The following MDGA2 variants were observed in gnomAD, a reference collection of about 807,000 sequenced individuals.
MDGA2 encodes MAM domain-containing glycosylphosphatidylinositol anchor protein 2.
MDGA2 carries 40 observed loss-of-function variants against 117.8 expected under a neutral mutation model. The ratio of observed to expected loss-of-function variants is 0.34; its 90% CI spans 0.26 to 0.44. The LOEUF (loss-of-function observed/expected upper bound fraction) is 0.44, where lower values mean the gene tolerates loss of function less well. MDGA2 is among the 20% of genes least tolerant of loss of function. The pLI is 1.00. For synonymous variants in MDGA2, 452 were observed against 439.0 expected (o/e 1.03, Z -0.37); for missense variants, 1,123 against 1,250.6 (o/e 0.90, Z 1.54).
intron 1 of MDGA2, among the ~76,000 whole-genome samples, chr14:47,626,845 C>T (rs1314433702): frequency 6.6e-6 from 1 of 152,250 alleles, no homozygotes; most frequent in African/African-American, 2.4e-5. Context: ...GAGCGCCGCC[C>T]CCTGCTCCAC....
intron 8 of MDGA2, among the ~76,000 whole-genome samples, chr14:47,014,798 T>C (rs929467841): frequency 2.6e-5 from 4 of 152,168 alleles, no homozygotes; most frequent in African/African-American, 9.7e-5. Context: ...AAATAAAGCA[T>C]TTTGCTTTCT....
At chr14:46,975,118 A>G (rs1886407085) in intron 8 of MDGA2, among the ~76,000 whole-genome samples, 1 of 152,136 alleles carries the variant, frequency 6.6e-6, no homozygotes, top group South Asian at 2.1e-4. Flanking sequence ...GTCATTAGAA[A>G]AATGCTAATT....
At position 47,400,758 on chromosome 14, in the gene MDGA2, CTT is replaced by C. The variant is rs570103742; in HGVS notation, c.281-99210_281-99209del. Among the ~76,000 whole-genome samples the C allele has an allele frequency of 2.0e-4, 13 of 66,210 alleles. No homozygotes were observed. The East Asian group carries it at 8.5e-3, about 43-fold the overall frequency. The allele number at this position is 66,210 out of a possible 152,430, so 43.4% of individuals were successfully genotyped here. ...TTTTCTTTTTCTTTTCTTTTCTTTT[CTT>C]TTTTTTTTTTTTTTGAGACGGAGTC... On this transcript the variant is annotated intron_variant, in intron 1 of 16. Transcript: ENST00000399232.
chr14:47,376,792 C>A (rs959677280), intron 1 of MDGA2, among the ~76,000 whole-genome samples: 1 of 152,006 alleles, frequency 6.6e-6, no homozygotes, highest in Non-Finnish European at 1.5e-5. Context: ...GGAACTAAGA[C>A]ACTGTAGAAA....
At chr14:47,533,279 C>T (rs889465461) in intron 1 of MDGA2, among the ~76,000 whole-genome samples, 1 of 152,094 alleles carries the variant, frequency 6.6e-6, no homozygotes, top group Non-Finnish European at 1.5e-5. Flanking sequence ...AGACATGCGC[C>T]AATTAGATTA....
At chr14:47,396,700 A>G (rs1165342088) in intron 1 of MDGA2, among the ~76,000 whole-genome samples, 2 of 152,218 alleles carry the variant, frequency 1.3e-5, no homozygotes, top group African/African-American at 4.8e-5. Flanking sequence ...TTCTCAAAAG[A>G]AGACATTTAT....
chr14:47,142,554 T>C (rs1882768586), intron 4 of MDGA2, among the ~76,000 whole-genome samples: 1 of 152,222 alleles, frequency 6.6e-6, no homozygotes, highest in Non-Finnish European at 1.5e-5. Flanking sequence ...TTTACAAGAT[T>C]CTAGAGGAAA....
intron 1 of MDGA2, among the ~76,000 whole-genome samples, chr14:47,660,117 A>G (rs1897817807): frequency 1.3e-5 from 2 of 152,176 alleles, no homozygotes; most frequent in Admixed American, 6.5e-5. Context: ...ATGAATTGCC[A>G]ATTGTAAAAT....
At chr14:47,301,844 G>C (rs1889296138) in intron 1 of MDGA2, among the ~76,000 whole-genome samples, 1 of 152,066 alleles carries the variant, frequency 6.6e-6, no homozygotes, top group Non-Finnish European at 1.5e-5. Context: ...AATGTGAGAA[G>C]GTCCCTTCCT....
intron 3 of MDGA2, among the ~76,000 whole-genome samples, chr14:47,154,495 G>A (rs148275417): frequency 1.3e-5 from 2 of 152,296 alleles, no homozygotes; most frequent in Non-Finnish European, 2.9e-5. Context: ...ACATCCCTGT[G>A]CTCTTGGCCT....
intron 5 of MDGA2, among the ~76,000 whole-genome samples, chr14:47,129,184 C>T (rs1882062767): frequency 6.6e-6 from 1 of 151,570 alleles, no homozygotes; most frequent in Admixed American, 6.6e-5. Flanking sequence ...CATGCTGGTG[C>T]ACTGCACCCA....
chr14:47,439,619 T>C (rs192262388), intron 1 of MDGA2, among the ~76,000 whole-genome samples: 260 of 152,220 alleles, frequency 1.7e-3, no homozygotes, highest in Non-Finnish European at 2.8e-3. Context: ...GTGGTTGATT[T>C]CATGTGGTTT....
intron 2 of MDGA2, among the ~76,000 whole-genome samples, chr14:47,272,677 T>A (rs1201140511): frequency 6.6e-6 from 1 of 152,158 alleles, no homozygotes; most frequent in Non-Finnish European, 1.5e-5. Context: ...ATCTTCAAGT[T>A]TTTTCCCAAG....
At chr14:46,968,155 G>A (rs1886110507) in intron 8 of MDGA2, among the ~76,000 whole-genome samples, 1 of 152,252 alleles carries the variant, frequency 6.6e-6, no homozygotes, top group East Asian at 1.9e-4. Flanking sequence ...TGGAGGGCAG[G>A]AGGCTGGGCA....
rs574247460 is a variant in MDGA2, at chr14:47,675,216, C to T, written c.-420G>A. Among the ~76,000 whole-genome samples the T allele has an allele frequency of 6.6e-6, 1 of 152,210 alleles. No homozygotes were observed. Among genetic ancestry groups the T allele is most frequent in the Non-Finnish European group, 1.5e-5 (1 of 68,004 alleles). The stretch of plus-strand genomic sequence containing the variant: ...GGCCCGCCCGCCCGCAGTCCGAAGC[C>T]CCCAGCCCTGCTGTCTTGCCTTCCC... On this transcript the variant is annotated 5_prime_UTR_variant, in exon 1 of 17. Coordinates refer to ENST00000399232, the MANE Select transcript of MDGA2 (RefSeq NM_001113498.3).
intron 1 of MDGA2, among the ~76,000 whole-genome samples, chr14:47,505,195 G>A (rs559253402): frequency 1.3e-5 from 2 of 152,256 alleles, no homozygotes; most frequent in Non-Finnish European, 2.9e-5. Context: ...AACAGTGGTT[G>A]TCAGAAAGGG....
At chr14:47,212,442 T>C (rs1177345986) in intron 3 of MDGA2, among the ~76,000 whole-genome samples, 4 of 152,306 alleles carry the variant, frequency 2.6e-5, no homozygotes, top group Admixed American at 2.0e-4. Flanking sequence ...AATCAAACTA[T>C]GCAAGTGCAG....
chr14:47,231,987 T>G (rs1160292072), intron 2 of MDGA2, among the ~76,000 whole-genome samples: 1 of 152,080 alleles, frequency 6.6e-6, no homozygotes, highest in Non-Finnish European at 1.5e-5. Flanking sequence ...AGGAAAGTTC[T>G]CCATATGATT....
intron 1 of MDGA2, among the ~76,000 whole-genome samples, chr14:47,440,851 T>A (rs866434538): frequency 1.3e-5 from 2 of 152,140 alleles, no homozygotes; most frequent in African/African-American, 2.4e-5. Flanking sequence ...GTAAAAAAAA[T>A]TTACTTCTCT....
Sources: gnomAD v4.1 joint callset for allele counts (sites outside exome capture counted in the v4.1 genomes callset) on GRCh38, gnomAD v4.1.1 for gene constraint, MANE v1.5 for transcripts, NCBI Gene and HGNC (gene_info 2026-07-23, HGNC 2026-07-21) for gene names.